Variants in ENTREP2 observed in about 807,000 individuals in gnomAD.
The protein encoded by ENTREP2 is endosomal transmembrane epsin interactor 2.
At chr15:29,269,435 C>G in the ENTREP2 span, 1 of 1,614,070 alleles carries the variant, frequency 6.2e-7, no homozygotes. Context: ...TGCACCAGCT[C>G]GGACACTTTC....
chr15:29,452,389 C>T, the ENTREP2 span, among the ~76,000 whole-genome samples: 2 of 152,226 alleles, frequency 1.3e-5, no homozygotes, highest in Admixed American at 6.5e-5. Context: ...CGTCAGCTCC[C>T]AGAAGCCTCT....
the ENTREP2 span, among the ~76,000 whole-genome samples, chr15:29,347,417 A>G: frequency 6.6e-6 from 1 of 151,642 alleles, no homozygotes; most frequent in African/African-American, 2.4e-5. Flanking sequence ...CAATCCTCCC[A>G]CCGCAGACTC....
At chr15:29,409,062 C>A in the ENTREP2 span, among the ~76,000 whole-genome samples, 1 of 152,210 alleles carries the variant, frequency 6.6e-6, no homozygotes, top group African/African-American at 2.4e-5. Context: ...AGAATAACTT[C>A]TTGCAGTTAA....
At chr15:29,378,276 G>C in the ENTREP2 span, among the ~76,000 whole-genome samples, 1 of 150,708 alleles carries the variant, frequency 6.6e-6, no homozygotes, top group African/African-American at 2.4e-5. Flanking sequence ...AGGACATACA[G>C]GTCCCACTCG....
the ENTREP2 span, among the ~76,000 whole-genome samples, chr15:29,204,368 C>T: frequency 0.011 from 1,617 of 152,256 alleles, 38 homozygotes; most frequent in African/African-American, 0.037. Context: ...GGGTATGTGA[C>T]CTTCAGATAT....
the ENTREP2 span, among the ~76,000 whole-genome samples, chr15:29,428,266 T>C: frequency 2.8e-4 from 43 of 152,296 alleles, no homozygotes; most frequent in African/African-American, 9.9e-4. Context: ...CAGGCTGCAG[T>C]GAAGTGGTTC....
the ENTREP2 span, among the ~76,000 whole-genome samples, chr15:29,419,300 TAATC>T: frequency 2.6e-5 from 4 of 152,054 alleles, no homozygotes; most frequent in Non-Finnish European, 5.9e-5. Context: ...TAAAAATTAA[TAATC>T]AAAGAGAAAA....
chr15:29,569,047 C>T, the ENTREP2 span, among the ~76,000 whole-genome samples: 23 of 152,260 alleles, frequency 1.5e-4, no homozygotes, highest in East Asian at 3.7e-3. Flanking sequence ...CCTCAGTGCC[C>T]GCTAGACAGA....
the ENTREP2 span, among the ~76,000 whole-genome samples, chr15:29,170,460 GAACA>G: frequency 6.6e-6 from 1 of 151,994 alleles, no homozygotes; most frequent in Non-Finnish European, 1.5e-5. Context: ...AATGTGTTGA[GAACA>G]AATAAATAAT....
At chr15:29,165,679 G>A in the ENTREP2 span, among the ~76,000 whole-genome samples, 1 of 152,136 alleles carries the variant, frequency 6.6e-6, no homozygotes, top group African/African-American at 2.4e-5. Context: ...AGACTGAAAT[G>A]GTAATTACAA....
the ENTREP2 span, among the ~76,000 whole-genome samples, chr15:29,339,039 G>A: frequency 6.6e-6 from 1 of 152,176 alleles, no homozygotes; most frequent in Non-Finnish European, 1.5e-5. Context: ...CAAAGGCACT[G>A]CCAATCTCAG....
the ENTREP2 span, among the ~76,000 whole-genome samples, chr15:29,218,250 A>T: frequency 6.6e-6 from 1 of 152,174 alleles, no homozygotes; most frequent in Admixed American, 6.5e-5. Context: ...GGCACTTTCC[A>T]GAAAGCATTG....
chr15:29,521,744 T>C, the ENTREP2 span, among the ~76,000 whole-genome samples: 1 of 151,886 alleles, frequency 6.6e-6, no homozygotes, highest in Non-Finnish European at 1.5e-5. Context: ...CACAGGGGAG[T>C]AAGTGGCACT....
At chr15:29,501,336 T>C in the ENTREP2 span, among the ~76,000 whole-genome samples, 1 of 152,000 alleles carries the variant, frequency 6.6e-6, no homozygotes, top group South Asian at 2.1e-4. Flanking sequence ...CATGACCAAG[T>C]AGAGTTTATC....
At chr15:29,523,561 ATTTTTTTTTTTT>A in the ENTREP2 span, among the ~76,000 whole-genome samples, 23 of 78,508 alleles carry the variant, frequency 2.9e-4, no homozygotes, top group African/African-American at 4.7e-4. Flanking sequence ...TCCCAGCTAG[ATTTTTTTTTTTT>A]TTTTTTTTTT....
At chr15:29,219,507 G>A in the ENTREP2 span, among the ~76,000 whole-genome samples, 1 of 149,090 alleles carries the variant, frequency 6.7e-6, no homozygotes, top group African/African-American at 2.6e-5. Flanking sequence ...ATATGAAAAG[G>A]ATACTTCACA....
At chr15:29,280,869 G>C in the ENTREP2 span, among the ~76,000 whole-genome samples, 5 of 152,152 alleles carry the variant, frequency 3.3e-5, no homozygotes, top group South Asian at 4.1e-4. Flanking sequence ...TCCTTTTTGA[G>C]AAGCAGTACT....
chr15:29,168,304 C>T, the ENTREP2 span, among the ~76,000 whole-genome samples: 9 of 152,134 alleles, frequency 5.9e-5, no homozygotes, highest in African/African-American at 2.2e-4. Flanking sequence ...CAAATACCAC[C>T]TGTACCCCAA....
the ENTREP2 span, among the ~76,000 whole-genome samples, chr15:29,437,142 A>G: frequency 6.6e-6 from 1 of 152,230 alleles, no homozygotes; most frequent in Non-Finnish European, 1.5e-5. Flanking sequence ...ATCTCCCACT[A>G]GTGCAAAAGG....
Sources: allele counts gnomAD v4.1 joint callset (sites outside exome capture counted in the v4.1 genomes callset), GRCh38; gene constraint gnomAD v4.1.1; transcripts MANE v1.5; gene names NCBI Gene and HGNC (gene_info 2026-07-23, HGNC 2026-07-21).